Variants in UBXN2A observed in about 807,000 individuals in gnomAD.
The protein encoded by UBXN2A is UBX domain protein 2A, also known as UBX domain-containing protein 2A.
A neutral mutation model predicts 28.4 loss-of-function variants in UBXN2A; 28 were observed. The ratio of observed to expected loss-of-function variants is 0.99; its 90% CI spans 0.73 to 1.35. The LOEUF is 1.35. UBXN2A is among the 40% of genes most tolerant of loss of function. The pLI, the probability that UBXN2A is intolerant of heterozygous loss-of-function variation, is 0.00. For synonymous variants in UBXN2A, 97 were observed against 103.6 expected (o/e 0.94, Z 0.39); for missense variants, 253 against 297.9 (o/e 0.85, Z 1.11).
chr2:23,949,390 C>A (rs937877557), intron 1 of UBXN2A, among the ~76,000 whole-genome samples: 1 of 151,566 alleles, frequency 6.6e-6, no homozygotes, highest in African/African-American at 2.4e-5. Flanking sequence ...GCTAACACAT[C>A]GAAACCCTGT....
rs1708722372 is a variant in UBXN2A, at chr2:24,001,425, G to T, written c.*1558G>T. On this transcript the variant is annotated 3_prime_UTR_variant, in exon 7 of 7. Transcript: ENST00000309033. Reference sequence around the variant, plus strand: ...GTTAGACCTCAATTTTTCACTGTCAGATTAAATCCCCATACCTGAAAATAA... The same window carrying T: ...GTTAGACCTCAATTTTTCACTGTCATATTAAATCCCCATACCTGAAAATAA... 6.6e-6 allele frequency: 1 copy of T among 152,056 alleles called. No homozygotes were observed. The highest frequency in any genetic ancestry group is 6.6e-5 in the Admixed American group (1 of 15,240). The allele number at this position is 152,056 out of a possible 1,614,324, so 9.4% of individuals were successfully genotyped here. A position where few individuals can be genotyped will look rare whatever the true frequency, so the allele number is the denominator to read the frequency against.
At chr2:23,944,588 C>T (rs1029045757) in intron 1 of UBXN2A, among the ~76,000 whole-genome samples, 4 of 152,012 alleles carry the variant, frequency 2.6e-5, no homozygotes, top group East Asian at 3.9e-4. Flanking sequence ...TTTTTGCCCA[C>T]AGCTTGCCTA....
intron 1 of UBXN2A, among the ~76,000 whole-genome samples, chr2:23,948,256 T>C (rs1253690114): frequency 2.8e-5 from 4 of 144,392 alleles, no homozygotes; most frequent in African/African-American, 5.0e-5. Flanking sequence ...TTCTTTTTCT[T>C]TTTTTTTTTT....
At chr2:23,995,586 G>A (rs137975347) in intron 6 of UBXN2A, among the ~76,000 whole-genome samples, 3,381 of 151,740 alleles carry the variant, frequency 0.022, 137 homozygotes, top group African/African-American at 0.078. Flanking sequence ...CCAGCTACTC[G>A]GGAGGCTGAG....
In UBXN2A at chr2:23,965,174, C is replaced by T. The variant is rs551660504; in HGVS notation, c.42-6102C>T. Among the ~76,000 whole-genome samples the T allele has an allele frequency of 2.0e-5, 3 of 152,304 alleles. No homozygotes were observed. The South Asian group carries it at 6.2e-4, about 32-fold the overall frequency. On this transcript the variant is annotated intron_variant, in intron 2 of 6. Transcript: ENST00000309033. ...GGGATAATAGGCATGAGCCACTGCACCTGGCCTCCTTTCCAACCTGTATAC... is the reference window on the plus strand; with the variant it reads ...GGGATAATAGGCATGAGCCACTGCATCTGGCCTCCTTTCCAACCTGTATAC...
intron 4 of UBXN2A, among the ~76,000 whole-genome samples, chr2:23,982,492 T>G (rs79933834): frequency 0.079 from 12,007 of 151,888 alleles, 604 homozygotes; most frequent in Middle Eastern, 0.12. Flanking sequence ...CTATTTTAGG[T>G]ACTGCTATAA....
rs867758132 is a variant in UBXN2A, at chr2:23,977,077, T to C, written c.287+2T>C. The C allele has an allele frequency of 2.5e-6, 4 of 1,609,756 alleles. No homozygotes were observed. The highest frequency in any genetic ancestry group is 3.4e-6 in the Non-Finnish European group (4 of 1,176,940). ...GTTTTTGAACTCCATCAAAAAGGGG[T>C]GAGTAGCCAGGTGTGGTAGGTCAAG... On this transcript the variant is annotated splice_donor_variant, in intron 4 of 6. Coordinates refer to ENST00000309033, the MANE Select transcript of UBXN2A (RefSeq NM_181713.4). LOFTEE classifies it high-confidence loss of function.
chr2:23,986,959 A>C (rs1458921677), intron 6 of UBXN2A, among the ~76,000 whole-genome samples: 1 of 151,934 alleles, frequency 6.6e-6, no homozygotes, highest in Non-Finnish European at 1.5e-5. Context: ...TTGTAGTCCC[A>C]GCAATTTGGG....
At chr2:23,959,659 A>AG (rs1305815215) in intron 2 of UBXN2A, among the ~76,000 whole-genome samples, 3 of 152,168 alleles carry the variant, frequency 2.0e-5, no homozygotes, top group Non-Finnish European at 4.4e-5. Flanking sequence ...AAATCAGCAA[A>AG]GGGAAAAAGT....
intron 6 of UBXN2A, among the ~76,000 whole-genome samples, chr2:23,996,065 ATT>A (rs1019784685): frequency 3.6e-4 from 41 of 114,154 alleles, no homozygotes; most frequent in Admixed American, 5.4e-4. Flanking sequence ...CGCCTGGCTA[ATT>A]TTTTTTTTTT....
intron 1 of UBXN2A, among the ~76,000 whole-genome samples, chr2:23,930,805 G>C (rs2150781497): frequency 6.6e-6 from 1 of 152,162 alleles, no homozygotes; most frequent in East Asian, 1.9e-4. Flanking sequence ...AATCGCTTGA[G>C]CTCAGGATTT....
At chr2:23,991,432 T>C (rs376263496) in intron 6 of UBXN2A, among the ~76,000 whole-genome samples, 30 of 125,900 alleles carry the variant, frequency 2.4e-4, no homozygotes, top group Middle Eastern at 9.5e-3. Context: ...CACACACACA[T>C]ATACATATAT....
intron 2 of UBXN2A, among the ~76,000 whole-genome samples, chr2:23,967,106 A>G (rs1400602473): frequency 1.3e-5 from 2 of 150,412 alleles, no homozygotes; most frequent in East Asian, 2.0e-4. Context: ...ACTCTACTCT[A>G]CTCTTACTAT....
chr2:23,944,023 A>G lies in UBXN2A; in HGVS notation c.-15+3375A>G, dbSNP rs1237058013. ...CCCGTATCTCCCCACGTCACTATCT[A>G]GAGTTGGTGTCTTCCTATGTCGATG... On this transcript the variant is annotated intron_variant, in intron 1 of 6. Coordinates refer to ENST00000309033, the MANE Select transcript of UBXN2A (RefSeq NM_181713.4). The G allele has an allele frequency of 2.0e-5, 11 of 544,200 alleles. 1 individual carries two copies. Among genetic ancestry groups the G allele is most frequent in the East Asian group, 1.1e-4 (3 of 26,640 alleles). 33.7% of individuals were successfully genotyped at this position (544,200 alleles called of 1,614,324 possible).
chr2:23,928,236 AAAAG>A (rs1451560518), intron 1 of UBXN2A, among the ~76,000 whole-genome samples: 14 of 148,232 alleles, frequency 9.4e-5, no homozygotes, highest in Admixed American at 4.0e-4. Context: ...GAAAGAAAGA[AAAAG>A]AAAGAAAGAA....
intron 2 of UBXN2A, among the ~76,000 whole-genome samples, chr2:23,968,405 G>A (rs1231143247): frequency 6.6e-6 from 1 of 152,086 alleles, no homozygotes; most frequent in Non-Finnish European, 1.5e-5. Flanking sequence ...TGCCGGGCGT[G>A]GTGGCTCACG....
chr2:23,987,065 C>T (rs1235558308), intron 6 of UBXN2A, among the ~76,000 whole-genome samples: 3 of 151,664 alleles, frequency 2.0e-5, no homozygotes, highest in Non-Finnish European at 2.9e-5. Context: ...TGTACCCCAG[C>T]CTGGGTGACA....
intron 1 of UBXN2A, among the ~76,000 whole-genome samples, chr2:23,952,594 G>C (rs1287907730): frequency 1.3e-5 from 2 of 152,096 alleles, no homozygotes; most frequent in African/African-American, 2.4e-5. Context: ...ACAGGTGCGT[G>C]CTACCACGCC....
chr2:23,992,508 G>A (rs150519295), intron 6 of UBXN2A, among the ~76,000 whole-genome samples: 22 of 152,258 alleles, frequency 1.4e-4, no homozygotes, highest in African/African-American at 4.6e-4. Flanking sequence ...CTGGGTATAC[G>A]AACAATACCT....
Sources: allele counts gnomAD v4.1 joint callset (sites outside exome capture counted in the v4.1 genomes callset), GRCh38; gene constraint gnomAD v4.1.1; transcripts MANE v1.5; gene names NCBI Gene and HGNC (gene_info 2026-07-23, HGNC 2026-07-21).